The following TRPM3 variants were observed in gnomAD, a reference collection of about 807,000 sequenced individuals.
TRPM3 encodes the protein long transient receptor potential channel 3.
TRPM3 carries 77 observed loss-of-function variants against 181.2 expected under a neutral mutation model. The ratio of observed to expected loss-of-function variants is 0.42; its 90% confidence interval spans 0.35 to 0.51. The LOEUF (loss-of-function observed/expected upper bound fraction) is 0.51, where lower values mean the gene tolerates loss of function less well. TRPM3 is among the 20% of genes least tolerant of loss of function. The pLI, the probability that TRPM3 is intolerant of heterozygous loss-of-function variation, is 0.01. For missense variants in TRPM3, 1,759 were observed against 2,196.7 expected (o/e 0.80, Z 3.98); for synonymous variants, 745 against 796.4 (o/e 0.94, Z 1.09).
At chr9:71,163,819 A>G (rs2076391640) in intron 1 of TRPM3, among the ~76,000 whole-genome samples, 1 of 152,156 alleles carries the variant, frequency 6.6e-6, no homozygotes, top group South Asian at 2.1e-4. Flanking sequence ...AGATCCTGGA[A>G]AGAGGGATTC....
In TRPM3 at chr9:71,059,010, C is replaced by CTTTTTTT. The variant is rs1491270019; in HGVS notation, c.177+62167_177+62168insAAAAAAA. ...AATTTCTCTGAAGTTTTTGTTTGTT[C>CTTTTTTT]ATTTTTTTTTTTTTTTTTTTTTTTT... On this transcript the variant is annotated intron_variant, in intron 1 of 25. Coordinates refer to ENST00000677713, the MANE Select transcript of TRPM3 (RefSeq NM_001366145.2). Among the ~76,000 whole-genome samples, 7 of 15,920 alleles carry CTTTTTTT rather than the reference C, an allele frequency of 4.4e-4. 1 individual carries two copies. Among genetic ancestry groups the CTTTTTTT allele is most frequent in the Middle Eastern group, 0.062 (1 of 16 alleles). The allele number at this position is 15,920 out of a possible 152,430, so 10.4% of individuals were successfully genotyped here. A position where few individuals can be genotyped will look rare whatever the true frequency, so the allele number is the denominator to read the frequency against.
At chr9:71,437,864 G>GAAAAAAAAAAAAAACAA (rs2094068724) in intron 1 of TRPM3, among the ~76,000 whole-genome samples, 1 of 116,408 alleles carries the variant, frequency 8.6e-6, no homozygotes, top group Non-Finnish European at 1.8e-5. Context: ...CGAAACTCCG[G>GAAAAAAAAAAAAAACAA]AAAAAAAAAA....
At chr9:71,269,339 C>T (rs1005849484) in intron 1 of TRPM3, among the ~76,000 whole-genome samples, 4 of 152,080 alleles carry the variant, frequency 2.6e-5, no homozygotes, top group African/African-American at 9.7e-5. Flanking sequence ...ATTCTGTTAC[C>T]ATTGAAATGT....
chr9:70,757,581 A>C (rs2135216742), intron 8 of TRPM3, among the ~76,000 whole-genome samples: 1 of 152,358 alleles, frequency 6.6e-6, no homozygotes, highest in Admixed American at 6.5e-5. Context: ...CAGTGAGAAA[A>C]TCCTCAATAA....
intron 9 of TRPM3, among the ~76,000 whole-genome samples, chr9:70,647,111 A>G (rs1444117629): frequency 6.6e-6 from 1 of 152,164 alleles, no homozygotes; most frequent in Non-Finnish European, 1.5e-5. Flanking sequence ...TTTATTAGAC[A>G]TATAAATAAG....
intron 1 of TRPM3, among the ~76,000 whole-genome samples, chr9:71,288,843 A>G (rs1017847872): frequency 6.6e-6 from 1 of 152,146 alleles, no homozygotes. Flanking sequence ...GAAGCTCCCA[A>G]TGGTTGAGCT....
At chr9:71,318,767 T>C (rs926772651) in intron 1 of TRPM3, among the ~76,000 whole-genome samples, 4 of 152,170 alleles carry the variant, frequency 2.6e-5, no homozygotes, top group African/African-American at 7.2e-5. Flanking sequence ...AAAAAAATTA[T>C]TGAAGTATAG....
At chr9:70,956,932 AT>A (rs1339742775) in intron 1 of TRPM3, among the ~76,000 whole-genome samples, 18 of 150,146 alleles carry the variant, frequency 1.2e-4, no homozygotes, top group African/African-American at 2.5e-4. Flanking sequence ...TTTAAAAAAA[AT>A]TTTAATTTTA....
chr9:71,240,180 AC>A (rs766837029), intron 1 of TRPM3, among the ~76,000 whole-genome samples: 9 of 152,220 alleles, frequency 5.9e-5, no homozygotes, highest in Non-Finnish European at 1.0e-4. Flanking sequence ...ATTTATATGT[AC>A]CAGTTTTTGC....
chr9:71,232,165 G>T (rs772036355), intron 1 of TRPM3, among the ~76,000 whole-genome samples: 26 of 152,084 alleles, frequency 1.7e-4, no homozygotes, highest in Admixed American at 3.3e-4. Context: ...TTCTAAGAAA[G>T]AAAAGGATAT....
intron 1 of TRPM3, among the ~76,000 whole-genome samples, chr9:71,282,652 C>T (rs914008050): frequency 2.0e-5 from 3 of 152,190 alleles, no homozygotes; most frequent in African/African-American, 4.8e-5. Flanking sequence ...TAATGGCATG[C>T]TCTTTCTTGT....
chr9:71,422,418 C>T (rs2093793000), intron 1 of TRPM3, among the ~76,000 whole-genome samples: 1 of 152,062 alleles, frequency 6.6e-6, no homozygotes, highest in African/African-American at 2.4e-5. Context: ...GACCTTTCCA[C>T]ATTTGAGACC....
At chr9:70,836,841 T>C (rs2094354505) in intron 5 of TRPM3, among the ~76,000 whole-genome samples, 1 of 152,256 alleles carries the variant, frequency 6.6e-6, no homozygotes, top group Admixed American at 6.5e-5. Flanking sequence ...ATCGTGCTTC[T>C]GAACTTCTAT....
intron 22 of TRPM3, among the ~76,000 whole-genome samples, chr9:70,560,468 C>A (rs2048791318): frequency 6.6e-6 from 1 of 152,128 alleles, no homozygotes; most frequent in Non-Finnish European, 1.5e-5. Flanking sequence ...ACGTATATCA[C>A]CTCATTTTAA....
At chr9:70,897,649 C>T (rs1435711677) in intron 1 of TRPM3, among the ~76,000 whole-genome samples, 2 of 152,120 alleles carry the variant, frequency 1.3e-5, no homozygotes, top group African/African-American at 2.4e-5. Context: ...TCTATAGTAA[C>T]TCTCTCCAAC....
chr9:71,011,004 T>G (rs1002025765), intron 1 of TRPM3, among the ~76,000 whole-genome samples: 10 of 152,194 alleles, frequency 6.6e-5, no homozygotes, highest in South Asian at 2.1e-4. Context: ...TCCTGTCATT[T>G]GTGGCATCAT....
At chr9:71,297,022 T>C (rs2086337198) in intron 1 of TRPM3, among the ~76,000 whole-genome samples, 1 of 147,068 alleles carries the variant, frequency 6.8e-6, no homozygotes, top group Admixed American at 6.8e-5. Flanking sequence ...GATGAAGTCT[T>C]GCTCTGTCAC....
At chr9:70,792,763 C>T (rs936532247) in intron 6 of TRPM3, among the ~76,000 whole-genome samples, 12 of 151,786 alleles carry the variant, frequency 7.9e-5, no homozygotes, top group Non-Finnish European at 1.6e-4. Context: ...CAGAGAGTCC[C>T]CTATTCACCA....
intron 8 of TRPM3, among the ~76,000 whole-genome samples, chr9:70,692,781 T>C (rs2068988839): frequency 6.6e-6 from 1 of 152,254 alleles, no homozygotes; most frequent in Non-Finnish European, 1.5e-5. Context: ...CTTTAGCACT[T>C]TGAATGCTGC....
Sources: gnomAD v4.1 joint callset for allele counts (sites outside exome capture counted in the v4.1 genomes callset) on GRCh38, gnomAD v4.1.1 for gene constraint, MANE v1.5 for transcripts, NCBI Gene and HGNC (gene_info 2026-07-23, HGNC 2026-07-21) for gene names.